PLA2G1B: variants seen among roughly 807,000 people sequenced by gnomAD.
PLA2G1B encodes phospholipase A2.
A neutral mutation model predicts 12.5 loss-of-function variants in PLA2G1B; 12 were observed. That is an observed-to-expected ratio of 0.96 (90% CI 0.62 to 1.56). The LOEUF (loss-of-function observed/expected upper bound fraction) is 1.56. Ranked by LOEUF, PLA2G1B falls within the 40% of genes most tolerant of loss-of-function variation. The pLI, the probability that PLA2G1B is intolerant of heterozygous loss-of-function variation, is 0.00. For synonymous variants in PLA2G1B, 81 were observed against 73.4 expected (o/e 1.10, Z -0.53); for missense variants, 189 against 186.7 (o/e 1.01, Z -0.07).
chr12:120,325,961 T>C lies in PLA2G1B; in HGVS notation c.94A>G (p.Lys32Glu), dbSNP rs760303791. 1 of 1,614,110 alleles carries C rather than the reference T, an allele frequency of 6.2e-7. No individual in the cohort carries two copies. Residue 32 changes from lysine to glutamate, a missense_variant, in exon 2 of 4, where the codon AAG becomes GAG. By Grantham distance (56) the Lys-to-Glu change is moderately conservative. Transcript: ENST00000308366. ...GGGTCACTCCCCGGGATCACGCACT[T>C]GATCATTTTGCGGAACTGCCACACG... ...RAVWQFRKMIKCVIPGSDPFL... is the reference protein window; with the variant it reads ...RAVWQFRKMIECVIPGSDPFL...
At position 120,325,004 on chromosome 12, in the gene PLA2G1B, T is replaced by C; in HGVS notation, c.252A>G (p.Lys84=). The change falls in exon 3 of 4, where the codon AAA becomes AAG. Residue 84 remains lysine, a synonymous_variant. Transcript: ENST00000308366. ...GGGTGTACGGGTTGTCCAGCAGAAATTTACAGCTGTCCAGCTTCTTGGCCT... is the reference window on the plus strand; with the variant it reads ...GGGTGTACGGGTTGTCCAGCAGAAACTTACAGCTGTCCAGCTTCTTGGCCT... ...YDQAKKLDSC[K]FLLDNPYTHT... 1 of 1,613,904 alleles carries C rather than the reference T, an allele frequency of 6.2e-7. No individual in the cohort carries two copies. The highest frequency in any genetic ancestry group is 8.5e-7 in the Non-Finnish European group (1 of 1,179,924).
At chr12:120,326,209 TTATATA>T (rs1873344686) in intron 1 of PLA2G1B, 189 bp from the exon 2 acceptor site, 3 of 465,750 alleles carry the variant, frequency 6.4e-6, no homozygotes, top group South Asian at 6.6e-5. Flanking sequence ...AATGAAAACT[TTATATA>T]TATAAAGTTT....
intron 2 of PLA2G1B, among the ~76,000 whole-genome samples, chr12:120,325,361 G>A (rs1383577263): frequency 6.6e-6 from 1 of 151,994 alleles, no homozygotes; most frequent in Non-Finnish European, 1.5e-5. Context: ...ACCATGTCCG[G>A]CTAATTTTTG....
In PLA2G1B at chr12:120,325,909, C is replaced by G; in HGVS notation, c.146G>C (p.Cys49Ser). The change falls in exon 2 of 4, where the codon TGC (cysteine) becomes TCC (serine). Residue 49 changes from cysteine (C) to serine (S), a missense_variant. By Grantham distance (112) the Cys-to-Ser change is moderately radical (BLOSUM62 -1). Coordinates refer to ENST00000308366, the MANE Select transcript of PLA2G1B (RefSeq NM_000928.3). ...GCCTGAGCCCCCCAAGCCACAGTAG[C>G]AGCCGTAGTTGTTGTATTCCAAGAA... ...DPFLEYNNYG[C>S]YCGLGGSGTP... 6.2e-7 allele frequency: 1 copy of G among 1,614,206 alleles called. No individual in the cohort carries two copies. Among genetic ancestry groups the G allele is most frequent in the Non-Finnish European group, 8.5e-7 (1 of 1,180,022 alleles).
In PLA2G1B at chr12:120,325,348, G is replaced by A. The variant is rs552065889; in HGVS notation, c.195-287C>T. On this transcript the variant is annotated intron_variant, in intron 2 of 3. Transcript: ENST00000308366. The stretch of plus-strand genomic sequence containing the variant: ...CAAGTAGCTGGGGTTACAGGCGCTC[G>A]CCACCATGTCCGGCTAATTTTTGTA... 7.9e-5 allele frequency among the ~76,000 whole-genome samples: 12 copies of A among 151,848 alleles called. No individual in the cohort carries two copies. The South Asian group carries it at 1.7e-3, about 21-fold the overall frequency.
intron 1 of PLA2G1B, 103 bp downstream of exon 1, chr12:120,327,617 T>A (rs1281827024): frequency 1.8e-6 from 2 of 1,114,480 alleles, no homozygotes; most frequent in African/African-American, 1.5e-5. Flanking sequence ...ACTGCGGGGC[T>A]GGCCATCCCT....
rs771031765 is a variant in PLA2G1B at position 120,325,945 on chromosome 12, C to T, written c.110G>A (p.Gly37Glu). 3.1e-6 allele frequency: 5 copies of T among 1,614,162 alleles called. No homozygotes were observed. Among genetic ancestry groups the T allele is most frequent in the Non-Finnish European group, 4.2e-6 (5 of 1,180,014 alleles). Residue 37 changes from glycine to glutamate, a missense_variant, in exon 2 of 4, where the codon GGG becomes GAG. By Grantham distance (98) the Gly-to-Glu change is moderately conservative. Transcript: ENST00000308366. ...GTTGTATTCCAAGAAGGGGTCACTC[C>T]CCGGGATCACGCACTTGATCATTTT... ...FRKMIKCVIP[G>E]SDPFLEYNNY...
chr12:120,326,094 G>A (rs952423965), intron 1 of PLA2G1B, 74 bp from the exon 2 acceptor site: 6 of 1,523,392 alleles, frequency 3.9e-6, no homozygotes, highest in East Asian at 2.3e-5. Context: ...CTGCTCCCTC[G>A]GGTCCCACGC....
At position 120,322,327 on chromosome 12, in the gene PLA2G1B, G is replaced by A. The variant is rs762480288; in HGVS notation, c.323-10C>T. 3 of 1,613,096 alleles carry A rather than the reference G, an allele frequency of 1.9e-6. No individual in the cohort carries two copies. The highest frequency in any genetic ancestry group is 1.7e-6 in the Non-Finnish European group (2 of 1,179,560). ...CACTCTTTGTTTTTGCCTGGAGAGGGATGAAAGGAGAGGACTGAGCCAAGG... is the reference window on the plus strand; with the variant it reads ...CACTCTTTGTTTTTGCCTGGAGAGGAATGAAAGGAGAGGACTGAGCCAAGG... On this transcript the variant is annotated splice_polypyrimidine_tract_variant and intron_variant, in intron 3 of 3. Transcript: ENST00000308366.
At chr12:120,324,844 A>G (rs1312071710) in intron 3 of PLA2G1B, 90 bp downstream of exon 3, 2 of 1,368,336 alleles carry the variant, frequency 1.5e-6, no homozygotes, top group Non-Finnish European at 2.1e-6. Context: ...AAGAAAATTA[A>G]CACTAAATCA....
intron 2 of PLA2G1B, 141 bp downstream of exon 2, chr12:120,325,720 T>C (rs941433723): frequency 6.3e-6 from 5 of 794,782 alleles, no homozygotes; most frequent in Non-Finnish European, 9.9e-6. Flanking sequence ...TTGGAACATA[T>C]TTGTTTATTT....
At chr12:120,323,116 G>T (rs2136854408) in intron 3 of PLA2G1B, among the ~76,000 whole-genome samples, 1 of 152,230 alleles carries the variant, frequency 6.6e-6, no homozygotes, top group African/African-American at 2.4e-5. Context: ...AGAGTTTGAA[G>T]TTGCATTACT....
chr12:120,325,972 C>T lies in PLA2G1B; in HGVS notation c.83G>A (p.Arg28His), dbSNP rs776160674. 1 of 1,614,058 alleles carries T rather than the reference C, an allele frequency of 6.2e-7. No homozygotes were observed. Among genetic ancestry groups the T allele is most frequent in the Non-Finnish European group, 8.5e-7 (1 of 1,179,978 alleles). Residue 28 changes from arginine to histidine, a missense_variant, in exon 2 of 4, where the codon CGC becomes CAC. By Grantham distance (29) the Arg-to-His change is conservative. Transcript: ENST00000308366. ...CGGGATCACGCACTTGATCATTTTG[C>T]GGAACTGCCACACGGCCCGAGGGCT... is the stretch of plus-strand genomic sequence containing the variant. Reference protein sequence around the residue: ...GISPRAVWQFRKMIKCVIPGS... With the variant: ...GISPRAVWQFHKMIKCVIPGS...
At chr12:120,322,814 G>A (rs969116689) in intron 3 of PLA2G1B, among the ~76,000 whole-genome samples, 6 of 151,948 alleles carry the variant, frequency 3.9e-5, no homozygotes, top group African/African-American at 1.5e-4. Flanking sequence ...CTCAAACTCC[G>A]GACCTCAAGT....
At chr12:120,326,185 T>G (rs1238737485) in intron 1 of PLA2G1B, 165 bp from the exon 2 acceptor site, 4 of 68,990 alleles carry the variant, frequency 5.8e-5, no homozygotes, top group East Asian at 2.8e-4. Context: ...GGGTAGAGGT[T>G]TTTTTTTTTT....
Position 120,326,320 on chromosome 12 carries a change from T to G in PLA2G1B, c.35-300A>C, listed in dbSNP as rs148367940. On this transcript the variant is annotated intron_variant, in intron 1 of 3. Transcript: ENST00000308366. The stretch of plus-strand genomic sequence containing the variant: ...ACCGCCTCAGCTAGGATTACAGGCA[T>G]GTGCCACCCAGCTAGGCCTGATAGT... 4.0e-4 allele frequency among the ~76,000 whole-genome samples: 59 copies of G among 148,266 alleles called. 1 individual carries two copies. The East Asian group carries it at 0.011, about 28-fold the overall frequency.
At chr12:120,325,732 A>G in intron 2 of PLA2G1B, 129 bp downstream of exon 2, 1 of 857,718 alleles carries the variant, frequency 1.2e-6, no homozygotes, top group Non-Finnish European at 1.8e-6. Context: ...TGTTTATTTG[A>G]CAAGAGGTGA....
chr12:120,323,642 CTG>C (rs994635358), intron 3 of PLA2G1B, among the ~76,000 whole-genome samples: 12 of 149,872 alleles, frequency 8.0e-5, no homozygotes, highest in Non-Finnish European at 1.2e-4. Context: ...TAAAAAAAAA[CTG>C]TGTGTGAGTG....
chr12:120,326,006 T>C lies in PLA2G1B; in HGVS notation c.49A>G (p.Ser17Gly). The C allele has an allele frequency of 6.2e-7, 1 of 1,613,970 alleles. No individual in the cohort carries two copies. The highest frequency in any genetic ancestry group is 8.5e-7 in the Non-Finnish European group (1 of 1,179,960). The change falls in exon 2 of 4, where the codon AGC becomes GGC. Residue 17 changes from serine to glycine, a missense_variant. Ser to Gly is a moderately conservative substitution (Grantham distance 56). Coordinates refer to ENST00000308366, the MANE Select transcript of PLA2G1B (RefSeq NM_000928.3). ...AVLLTVAAADSGISPRAVWQF... is the reference protein window; with the variant it reads ...AVLLTVAAADGGISPRAVWQF... ...CACACGGCCCGAGGGCTGATGCCGCTGTCGGCGGCGGCCACTGCAAGAAGA... is the reference window on the plus strand; with the variant it reads ...CACACGGCCCGAGGGCTGATGCCGCCGTCGGCGGCGGCCACTGCAAGAAGA...
Sources: gnomAD v4.1 joint callset for allele counts (sites outside exome capture counted in the v4.1 genomes callset) on GRCh38, gnomAD v4.1.1 for gene constraint, MANE v1.5 for transcripts, NCBI Gene and HGNC (gene_info 2026-07-23, HGNC 2026-07-21) for gene names.